Variants in ARPP21 observed in about 807,000 individuals in gnomAD.
ARPP21 encodes the protein cAMP-regulated phosphoprotein 21.
A neutral mutation model predicts 113.2 loss-of-function variants in ARPP21; 69 were observed. The ratio of observed to expected loss-of-function variants is 0.61; its 90% CI spans 0.50 to 0.74. ARPP21 has a LOEUF of 0.74. Among genes scored for constraint, ARPP21 ranks in the 30% least tolerant of loss-of-function variants. The pLI, the probability that ARPP21 is intolerant of heterozygous loss-of-function variation, is 0.00. For synonymous variants in ARPP21, 368 were observed against 375.5 expected (o/e 0.98, Z 0.23); for missense variants, 1,070 against 1,037.4 (o/e 1.03, Z -0.43).
intron 19 of ARPP21, among the ~76,000 whole-genome samples, chr3:35,753,900 G>A (rs141024090): frequency 1.3e-5 from 2 of 151,454 alleles, no homozygotes; most frequent in East Asian, 3.9e-4. Context: ...GTTGAGTAAG[G>A]GTTGACAGTG....
At chr3:35,768,084 G>A (rs1354478599) in intron 19 of ARPP21, among the ~76,000 whole-genome samples, 10 of 15,056 alleles carry the variant, frequency 6.6e-4, no homozygotes, top group East Asian at 1.9e-3. Context: ...TTTTCCGTGT[G>A]TGTGTGTGTG....
At chr3:35,782,747 A>T (rs568251263) in intron 19 of ARPP21, among the ~76,000 whole-genome samples, 3 of 152,262 alleles carry the variant, frequency 2.0e-5, no homozygotes, top group African/African-American at 7.2e-5. Flanking sequence ...TCTCCTTTTA[A>T]AATATACTAA....
In ARPP21 at chr3:35,689,368, A is replaced by G; in HGVS notation, c.468A>G (p.Thr156=). 6.5e-7 allele frequency: 1 copy of G among 1,539,710 alleles called. No homozygotes were observed. The highest frequency in any genetic ancestry group is 9.0e-7 in the Non-Finnish European group (1 of 1,113,328). The change falls in exon 7 of 21, where the codon ACA becomes ACG. Residue 156 remains threonine (T), a synonymous_variant. Transcript: ENST00000684406. ...ACTTACACGAGTTTCTGATTAACAC[A>G]TTAAAGAATAATTCCAGGTAAATTA... ...GIDLHEFLIN[T]LKNNSRDRMI...
intron 9 of ARPP21, among the ~76,000 whole-genome samples, chr3:35,699,503 T>G (rs2085438190): frequency 6.6e-6 from 1 of 151,706 alleles, no homozygotes; most frequent in African/African-American, 2.4e-5. Context: ...TTGGAATCTA[T>G]CAAGAGCAGT....
intron 9 of ARPP21, among the ~76,000 whole-genome samples, chr3:35,693,393 G>A (rs1050237197): frequency 6.6e-6 from 1 of 151,624 alleles, no homozygotes; most frequent in African/African-American, 2.4e-5. Context: ...TTGAGTGGCT[G>A]TTGAGGTATG....
At chr3:35,741,559 A>G (rs946543863) in intron 18 of ARPP21, among the ~76,000 whole-genome samples, 1 of 152,212 alleles carries the variant, frequency 6.6e-6, no homozygotes, top group African/African-American at 2.4e-5. Context: ...TGCTTCCTAA[A>G]TGCCCACTGG....
At chr3:35,717,494 A>G (rs2150216529) in intron 13 of ARPP21, 137 bp downstream of exon 13, 1 of 596,066 alleles carries the variant, frequency 1.7e-6, no homozygotes, top group Non-Finnish European at 3.0e-6. Context: ...AGCTTGTTAA[A>G]TAGCTAGCGT....
At chr3:35,664,428 C>A (rs554267810) in intron 1 of ARPP21, among the ~76,000 whole-genome samples, 2 of 152,244 alleles carry the variant, frequency 1.3e-5, no homozygotes, top group Non-Finnish European at 2.9e-5. Flanking sequence ...TACCTGTTGA[C>A]CAGACTCTCT....
At chr3:35,691,129 C>G (rs1215780192) in intron 9 of ARPP21, 124 bp downstream of exon 9, 3 of 1,061,548 alleles carry the variant, frequency 2.8e-6, no homozygotes, top group South Asian at 4.4e-5. Context: ...ATCTCTTGCT[C>G]TTATCAGAAG....
intron 13 of ARPP21, 115 bp downstream of exon 13, chr3:35,717,472 A>G: frequency 2.9e-6 from 2 of 685,002 alleles, no homozygotes; most frequent in Non-Finnish European, 5.2e-6. Context: ...AAGTCTGGTT[A>G]TCTCTTTGTA....
intron 19 of ARPP21, among the ~76,000 whole-genome samples, chr3:35,769,267 A>C (rs1045565779): frequency 6.6e-6 from 1 of 152,140 alleles, no homozygotes; most frequent in African/African-American, 2.4e-5. Flanking sequence ...GCGAAGAGGC[A>C]CTGCAACCAT....
intron 1 of ARPP21, among the ~76,000 whole-genome samples, chr3:35,668,017 GAAGAAGAAGAAGA>G (rs2075276139): frequency 1.3e-5 from 2 of 149,480 alleles, no homozygotes; most frequent in African/African-American, 5.0e-5. Flanking sequence ...AGAAGAAGAA[GAAGAAGAAGAAGA>G]AGGAGAAGAA....
At chr3:35,768,981 A>T (rs1391955495) in intron 19 of ARPP21, among the ~76,000 whole-genome samples, 3 of 152,216 alleles carry the variant, frequency 2.0e-5, no homozygotes, top group African/African-American at 7.2e-5. Context: ...GTTAAGCCTA[A>T]GTGAAAGGTA....
intron 4 of ARPP21, 49 bp downstream of exon 4, chr3:35,682,938 A>G (rs2149486929): frequency 6.8e-7 from 1 of 1,473,328 alleles, no homozygotes; most frequent in African/African-American, 1.4e-5. Flanking sequence ...GGTATAAATT[A>G]CATATTTTAC....
At chr3:35,684,562 T>A (rs1273674943) in intron 5 of ARPP21, 1 of 985,454 alleles carries the variant, frequency 1.0e-6, no homozygotes, top group East Asian at 1.1e-4. Flanking sequence ...GCTGCTGAAA[T>A]TGTACTTATT....
chr3:35,777,559 T>A (rs1230071390), intron 19 of ARPP21, among the ~76,000 whole-genome samples: 1 of 152,244 alleles, frequency 6.6e-6, no homozygotes, highest in African/African-American at 2.4e-5. Context: ...TTTAAATATT[T>A]GAACAAATTA....
intron 19 of ARPP21, among the ~76,000 whole-genome samples, chr3:35,749,403 T>C: frequency 7.3e-6 from 1 of 136,152 alleles, no homozygotes; most frequent in Admixed American, 7.8e-5. Context: ...CATTCTCGGC[T>C]CTCCAAAATC....
chr3:35,714,596 A>G (rs929468638), intron 11 of ARPP21, among the ~76,000 whole-genome samples: 1 of 152,178 alleles, frequency 6.6e-6, no homozygotes. Flanking sequence ...GTTACTTTCT[A>G]AATACAGTCA....
At chr3:35,730,214 G>T (rs1472335979) in intron 15 of ARPP21, among the ~76,000 whole-genome samples, 1 of 152,094 alleles carries the variant, frequency 6.6e-6, no homozygotes, top group African/African-American at 2.4e-5. Context: ...TTTTCTAGTG[G>T]GTCAGTTGAC....
Sources: gnomAD v4.1 joint callset for allele counts (sites outside exome capture counted in the v4.1 genomes callset) on GRCh38, gnomAD v4.1.1 for gene constraint, MANE v1.5 for transcripts, NCBI Gene and HGNC (gene_info 2026-07-23, HGNC 2026-07-21) for gene names.